The following WWOX variants were observed in gnomAD, a reference collection of about 807,000 sequenced individuals.
WWOX encodes WW domain containing oxidoreductase, also known as WW domain-containing oxidoreductase.
A neutral mutation model predicts 46.2 loss-of-function variants in WWOX; 69 were observed. The observed-to-expected ratio is 1.49, with a 90% confidence interval of 1.23 to 1.82. The LOEUF (loss-of-function observed/expected upper bound fraction) is 1.82, where lower values mean the gene tolerates loss of function less well. Ranked by LOEUF, WWOX falls within the 40% of genes most tolerant of loss-of-function variation. The pLI is 0.00. For missense variants in WWOX, 919 were observed against 542.6 expected (o/e 1.69, Z -6.89); for synonymous variants, 359 against 202.6 (o/e 1.77, Z -6.56).
intron 8 of WWOX, among the ~76,000 whole-genome samples, chr16:78,768,877 A>G (rs1051778961): frequency 3.3e-5 from 5 of 152,184 alleles, no homozygotes; most frequent in African/African-American, 7.2e-5. Flanking sequence ...TGACCCGCCA[A>G]TGCCGTTGTT....
chr16:78,731,782 T>C (rs910469985), intron 8 of WWOX, among the ~76,000 whole-genome samples: 1 of 152,116 alleles, frequency 6.6e-6, no homozygotes. Flanking sequence ...TGCAGTTGTT[T>C]TATAACATGC....
intron 8 of WWOX, among the ~76,000 whole-genome samples, chr16:79,105,242 C>A (rs184152364): frequency 2.6e-5 from 4 of 152,140 alleles, no homozygotes; most frequent in Admixed American, 2.6e-4. Flanking sequence ...TGTTTTGAAT[C>A]ATTCAAAGGA....
intron 8 of WWOX, among the ~76,000 whole-genome samples, chr16:78,821,161 C>G (rs564651976): frequency 6.6e-6 from 1 of 152,268 alleles, no homozygotes; most frequent in South Asian, 2.1e-4. Flanking sequence ...TGGCCTTTCT[C>G]CTATTTGCCT....
intron 5 of WWOX, among the ~76,000 whole-genome samples, chr16:78,369,061 C>CTT (rs35263202): frequency 0.025 from 3,687 of 149,202 alleles, 63 homozygotes; most frequent in Non-Finnish European, 0.042. Flanking sequence ...TTTTCTTTCC[C>CTT]TTTTTTTTTT....
chr16:79,191,587 C>A (rs922716106), intron 8 of WWOX, among the ~76,000 whole-genome samples: 1 of 152,224 alleles, frequency 6.6e-6, no homozygotes, highest in South Asian at 2.1e-4. Flanking sequence ...TTCTCAATTA[C>A]TGATGATCAT....
chr16:78,683,231 G>T (rs1174312759), intron 8 of WWOX, among the ~76,000 whole-genome samples: 1 of 151,930 alleles, frequency 6.6e-6, no homozygotes, highest in Non-Finnish European at 1.5e-5. Context: ...AGACAAGGAG[G>T]TGGGCGCGGT....
chr16:78,465,095 A>G (rs553412008), intron 8 of WWOX, among the ~76,000 whole-genome samples: 1 of 152,190 alleles, frequency 6.6e-6, no homozygotes, highest in Non-Finnish European at 1.5e-5. Flanking sequence ...GGAACAGCAC[A>G]GGCAGATCCC....
chr16:78,659,229 C>G (rs185867782), intron 8 of WWOX, among the ~76,000 whole-genome samples: 1 of 152,168 alleles, frequency 6.6e-6, no homozygotes, highest in East Asian at 1.9e-4. Context: ...AATTGAGGCA[C>G]AGACAGATTC....
intron 8 of WWOX, among the ~76,000 whole-genome samples, chr16:78,980,108 A>C (rs183900555): frequency 7.9e-5 from 12 of 152,208 alleles, no homozygotes; most frequent in African/African-American, 2.7e-4. Flanking sequence ...AGCCTTGGCA[A>C]CAGAGCGAGA....
At position 78,909,563 on chromosome 16, in the gene WWOX, C is replaced by T. The variant is rs570343403; in HGVS notation, c.1057-302045C>T. ...TTTTAACCCTCAGCCTCTCTTTGGCCTGTGAGTGAAACCCATCATTTGACA... is the reference window on the plus strand; with the variant it reads ...TTTTAACCCTCAGCCTCTCTTTGGCTTGTGAGTGAAACCCATCATTTGACA... On this transcript the variant is annotated intron_variant, in intron 8 of 8. Coordinates refer to ENST00000566780, the MANE Select transcript of WWOX (RefSeq NM_016373.4). Among the ~76,000 whole-genome samples, 24 of 152,286 alleles carry T rather than the reference C, an allele frequency of 1.6e-4. No individual in the cohort carries two copies. In the South Asian group the frequency reaches 4.8e-3, roughly 30 times the overall value.
rs141611895 is a variant in WWOX, at chr16:78,851,402, C to G, written c.1057-360206C>G. 2.6e-5 allele frequency among the ~76,000 whole-genome samples: 4 copies of G among 152,280 alleles called. No individual in the cohort carries two copies. In the East Asian group the frequency reaches 7.7e-4, roughly 29 times the overall value. On this transcript the variant is annotated intron_variant, in intron 8 of 8. Transcript: ENST00000566780. ...AAGAGTTTACTTATAGGCAGAAGTA[C>G]GGGTACTGAGCCAAGTGACATTGTA...
chr16:78,833,168 A>G (rs1379419123), intron 8 of WWOX, among the ~76,000 whole-genome samples: 3 of 152,090 alleles, frequency 2.0e-5, no homozygotes, highest in Middle Eastern at 3.4e-3. Context: ...CTGCCTGCCA[A>G]GTATCTGGGA....
rs2082962823 is a variant in WWOX, at chr16:78,422,678, T to TACACACACACAC, written c.606-2191_606-2190insCACACACACACA. Among the ~76,000 whole-genome samples the TACACACACACAC allele has an allele frequency of 5.2e-5, 4 of 77,634 alleles. 1 individual carries two copies. The highest frequency in any genetic ancestry group is 2.6e-4 in the African/African-American group (4 of 15,374). The allele number at this position is 77,634 out of a possible 152,430, so 50.9% of individuals were successfully genotyped here. A position where few individuals can be genotyped will look rare whatever the true frequency, so the allele number is the denominator to read the frequency against. On this transcript the variant is annotated intron_variant, in intron 6 of 8. Transcript: ENST00000566780. ...TTTTTTACATGTATATATATATATA[T>TACACACACACAC]ATATATACACACACACACACACATA...
At chr16:78,262,167 A>C (rs1426228610) in intron 5 of WWOX, among the ~76,000 whole-genome samples, 1 of 151,496 alleles carries the variant, frequency 6.6e-6, no homozygotes, top group Non-Finnish European at 1.5e-5. Context: ...TGAATTACAA[A>C]TAGTACCAGT....
intron 8 of WWOX, among the ~76,000 whole-genome samples, chr16:78,731,528 C>T (rs1174244408): frequency 2.0e-5 from 3 of 151,956 alleles, no homozygotes; most frequent in African/African-American, 4.8e-5. Flanking sequence ...TTTTTCCTTT[C>T]ATTCCTTCTT....
intron 8 of WWOX, among the ~76,000 whole-genome samples, chr16:78,529,543 T>G (rs1455439125): frequency 1.3e-5 from 2 of 152,130 alleles, no homozygotes; most frequent in Non-Finnish European, 2.9e-5. Context: ...CCCTGCTCAC[T>G]GCAACCTCCG....
In WWOX at chr16:79,026,150, G is replaced by A. The variant is rs552516526; in HGVS notation, c.1057-185458G>A. 2.0e-4 allele frequency among the ~76,000 whole-genome samples: 31 copies of A among 151,530 alleles called. 1 individual carries two copies. The highest frequency in any genetic ancestry group is 7.1e-4 in the African/African-American group (29 of 40,994). Reference sequence around the variant, plus strand: ...AGTGCATCATGTTAACCTTCCACTCGCTTCTTTAAGTTTCCTCACTCCTTT... The same window carrying A: ...AGTGCATCATGTTAACCTTCCACTCACTTCTTTAAGTTTCCTCACTCCTTT... On this transcript the variant is annotated intron_variant, in intron 8 of 8. Coordinates refer to ENST00000566780, the MANE Select transcript of WWOX (RefSeq NM_016373.4).
intron 8 of WWOX, among the ~76,000 whole-genome samples, chr16:78,452,068 T>A (rs149378343): frequency 2.0e-4 from 31 of 152,334 alleles, no homozygotes; most frequent in African/African-American, 7.5e-4. Context: ...CTTTAAGTCA[T>A]GTTAGATCCC....
intron 8 of WWOX, among the ~76,000 whole-genome samples, chr16:78,861,162 C>A (rs544579240): frequency 6.6e-6 from 1 of 152,124 alleles, no homozygotes; most frequent in Non-Finnish European, 1.5e-5. Flanking sequence ...CCCTCTCTCT[C>A]TTTCTTCCTC....
Sources: allele counts gnomAD v4.1 joint callset (sites outside exome capture counted in the v4.1 genomes callset), GRCh38; gene constraint gnomAD v4.1.1; transcripts MANE v1.5; gene names NCBI Gene and HGNC (gene_info 2026-07-23, HGNC 2026-07-21).